Variants in VIPR2 observed in about 807,000 individuals in gnomAD.
VIPR2 encodes vasoactive intestinal polypeptide receptor 2.
In VIPR2, 48 loss-of-function variants were observed where a neutral mutation model predicts 58.0. The ratio of observed to expected loss-of-function variants is 0.83; its 90% confidence interval spans 0.66 to 1.05. The LOEUF is 1.05. VIPR2 is among the 50% of genes least tolerant of loss of function. The pLI is 0.00. For synonymous variants in VIPR2, 243 were observed against 235.2 expected (o/e 1.03, Z -0.30); for missense variants, 534 against 558.0 (o/e 0.96, Z 0.43).
rs940706134 is a variant in VIPR2, at chr7:159,032,200, C to T, written c.972-133G>A. 20 of 1,282,724 alleles carry T rather than the reference C, an allele frequency of 1.6e-5. No homozygotes were observed. In the Middle Eastern group the frequency reaches 7.6e-4, roughly 49 times the overall value. The allele number at this position is 1,282,724 out of a possible 1,614,324, so 79.5% of individuals were successfully genotyped here. On this transcript the variant is annotated intron_variant, in intron 10 of 12. Transcript: ENST00000262178. Reference sequence around the variant, plus strand: ...ACCTCCTCTCCACTGCTGGAGTCCCCGCCCAACAAGAAAAACCACTGTTTC... The same window carrying T: ...ACCTCCTCTCCACTGCTGGAGTCCCTGCCCAACAAGAAAAACCACTGTTTC...
intron 7 of VIPR2, among the ~76,000 whole-genome samples, 166 bp downstream of exon 7, chr7:159,036,586 G>A (rs1445917097): frequency 1.3e-5 from 2 of 152,206 alleles, no homozygotes; most frequent in East Asian, 1.9e-4. Context: ...AAATATTAAT[G>A]TGTTGTTTGT....
chr7:159,030,781 G>C lies in VIPR2; in HGVS notation c.1152C>G (p.Cys384Trp). 6.3e-7 allele frequency: 1 copy of C among 1,591,470 alleles called. No homozygotes were observed. The highest frequency in any genetic ancestry group is 8.6e-7 in the Non-Finnish European group (1 of 1,169,432). The change falls in exon 13 of 13, where the codon TGC (cysteine) becomes TGG (tryptophan). Residue 384 changes from cysteine (C) to tryptophan (W), a missense_variant. Physicochemically the swap from Cys to Trp is radical, Grantham distance 215. Transcript: ENST00000262178. ...LYCFLNSEVQ[C>W]ELKRKWRSRC... ...GGCTTCGCCATTTTCGCTTCAGCTC[G>C]CACTGCACCTGGGAGGTGAGGGCAG...
rs116558577 is a variant in VIPR2 at position 159,067,455 on chromosome 7, C to G, written c.358-8877G>C. ...TTTCCACCAACGGCCCAGAACCCAGCGTGCATGAGGAGCTGGCGCCGGCCT... is the reference window on the plus strand; with the variant it reads ...TTTCCACCAACGGCCCAGAACCCAGGGTGCATGAGGAGCTGGCGCCGGCCT... On this transcript the variant is annotated intron_variant, in intron 4 of 12. Coordinates refer to ENST00000262178, the MANE Select transcript of VIPR2 (RefSeq NM_003382.5). Among the ~76,000 whole-genome samples the G allele has an allele frequency of 4.4e-3, 668 of 152,348 alleles. 1 individual carries two copies. The highest frequency in any genetic ancestry group is 0.015 in the African/African-American group (642 of 41,570).
intron 1 of VIPR2, among the ~76,000 whole-genome samples, chr7:159,143,013 A>T (rs571942824): frequency 6.6e-6 from 1 of 152,208 alleles, no homozygotes; most frequent in Non-Finnish European, 1.5e-5. Flanking sequence ...TTAACCCTCT[A>T]ACTACAGATA....
chr7:159,055,833 C>T (rs1340016088), intron 5 of VIPR2, among the ~76,000 whole-genome samples: 1 of 152,222 alleles, frequency 6.6e-6, no homozygotes, highest in Non-Finnish European at 1.5e-5. Context: ...TGATATTCTT[C>T]ATTACTCACT....
At chr7:159,035,107 G>A (rs575925802) in intron 8 of VIPR2, among the ~76,000 whole-genome samples, 1 of 152,324 alleles carries the variant, frequency 6.6e-6, no homozygotes, top group South Asian at 2.1e-4. Flanking sequence ...CGCATGGGGT[G>A]TCTCCAGCAG....
intron 6 of VIPR2, among the ~76,000 whole-genome samples, chr7:159,037,430 G>A (rs957938178): frequency 1.3e-5 from 2 of 152,242 alleles, no homozygotes; most frequent in African/African-American, 4.8e-5. Flanking sequence ...GCAGGTAGAG[G>A]GCGCGGCACA....
chr7:159,102,626 A>G (rs1409419246), intron 4 of VIPR2, among the ~76,000 whole-genome samples: 1 of 152,172 alleles, frequency 6.6e-6, no homozygotes, highest in African/African-American at 2.4e-5. Context: ...AGGCCTCTGT[A>G]AGAAAGTTGG....
At chr7:159,049,677 C>T (rs915270833) in intron 5 of VIPR2, among the ~76,000 whole-genome samples, 1 of 152,194 alleles carries the variant, frequency 6.6e-6, no homozygotes, top group African/African-American at 2.4e-5. Context: ...GAGAAATAAA[C>T]CAGAAAGCAG....
intron 5 of VIPR2, among the ~76,000 whole-genome samples, chr7:159,045,102 GA>G (rs1854568721): frequency 6.6e-6 from 1 of 152,166 alleles, no homozygotes; most frequent in Admixed American, 6.5e-5. Flanking sequence ...AATCATCTGT[GA>G]ACTTGCAGAG....
At position 159,042,039 on chromosome 7, in the gene VIPR2, C is replaced by T. The variant is rs550511773; in HGVS notation, c.597+996G>A. Among the ~76,000 whole-genome samples the T allele has an allele frequency of 4.6e-5, 7 of 152,242 alleles. No homozygotes were observed. In the South Asian group the frequency reaches 1.2e-3, roughly 27 times the overall value. ...CAGCAAATCTGATTCACAGGCATCA[C>T]GCGCCAGCTTATCCCCAGAGGCACA... is the stretch of plus-strand genomic sequence containing the variant. On this transcript the variant is annotated intron_variant, in intron 6 of 12. Transcript: ENST00000262178.
chr7:159,076,643 A>T (rs2129494760), intron 4 of VIPR2, among the ~76,000 whole-genome samples: 1 of 152,276 alleles, frequency 6.6e-6, no homozygotes, highest in South Asian at 2.1e-4. Flanking sequence ...TCTGGATGGC[A>T]TTTCCAAAAT....
At chr7:159,051,361 G>T (rs901704131) in intron 5 of VIPR2, among the ~76,000 whole-genome samples, 1 of 152,190 alleles carries the variant, frequency 6.6e-6, no homozygotes, top group African/African-American at 2.4e-5. Context: ...TAACTCATGA[G>T]AAAAGGATGC....
At chr7:159,094,351 A>C (rs570952452) in intron 4 of VIPR2, among the ~76,000 whole-genome samples, 4 of 152,182 alleles carry the variant, frequency 2.6e-5, no homozygotes, top group Admixed American at 2.6e-4. Flanking sequence ...AGGCCCAAGG[A>C]AAGTTGAGCC....
chr7:159,091,286 C>A (rs909404670), intron 4 of VIPR2, among the ~76,000 whole-genome samples: 2 of 152,204 alleles, frequency 1.3e-5, no homozygotes, highest in African/African-American at 4.8e-5. Context: ...TCGTGGGAAT[C>A]CCCTGCTCAT....
chr7:159,134,399 T>C (rs959587426), intron 2 of VIPR2, among the ~76,000 whole-genome samples: 1 of 151,970 alleles, frequency 6.6e-6, no homozygotes, highest in Non-Finnish European at 1.5e-5. Context: ...TAAGGAAAAG[T>C]ATATGAGGTC....
At chr7:159,105,154 G>C (rs561123576) in intron 3 of VIPR2, among the ~76,000 whole-genome samples, 138 of 152,284 alleles carry the variant, frequency 9.1e-4, no homozygotes, top group African/African-American at 3.0e-3. Context: ...AAGTGATAAA[G>C]CTCTCGAAGG....
chr7:159,141,313 A>G (rs184048777), intron 2 of VIPR2, among the ~76,000 whole-genome samples: 16 of 152,366 alleles, frequency 1.1e-4, no homozygotes, highest in Admixed American at 2.6e-4. Flanking sequence ...CCATGCGTGC[A>G]CCGCGGAATC....
At chr7:159,117,081 C>T (rs73527863) in intron 2 of VIPR2, 7,752 of 498,662 alleles carry the variant, frequency 0.016, 509 homozygotes, top group African/African-American at 0.14. Flanking sequence ...CTGAAGAAGG[C>T]GAGAGCCCCT....
Sources: allele counts gnomAD v4.1 joint callset (sites outside exome capture counted in the v4.1 genomes callset), GRCh38; gene constraint gnomAD v4.1.1; transcripts MANE v1.5; gene names NCBI Gene and HGNC (gene_info 2026-07-23, HGNC 2026-07-21).